MACROH2A2: variants seen among roughly 807,000 people sequenced by gnomAD.
MACROH2A2 encodes the protein macroH2A.2 histone, also known as core histone macro-H2A.2.
In MACROH2A2, 6 loss-of-function variants were observed where a neutral mutation model predicts 37.6. That is an observed-to-expected ratio of 0.16 (90% CI 0.09 to 0.32). The LOEUF (loss-of-function observed/expected upper bound fraction) is 0.32, where lower values mean the gene tolerates loss of function less well. MACROH2A2 is among the 10% of genes least tolerant of loss of function. The probability of loss-of-function intolerance (pLI) is 1.00; values close to 1 mark genes in which losing one functional copy is unlikely to be tolerated. For missense variants in MACROH2A2, 290 were observed against 485.9 expected (o/e 0.60, Z 3.79); for synonymous variants, 192 against 202.7 (o/e 0.95, Z 0.45).
chr10:70,070,389 C>A (rs905250718), intron 1 of MACROH2A2, among the ~76,000 whole-genome samples: 2 of 152,208 alleles, frequency 1.3e-5, no homozygotes, highest in African/African-American at 2.4e-5. Context: ...ATGATTCTTA[C>A]ATTTAGGTAC....
intron 7 of MACROH2A2, 28 bp from the exon 8 acceptor site, chr10:70,109,005 C>G: frequency 1.2e-6 from 2 of 1,606,794 alleles, no homozygotes; most frequent in Non-Finnish European, 1.7e-6. Context: ...AGGAAATAAC[C>G]CGCGGCATTT....
At chr10:70,076,789 T>G (rs2072142194) in intron 2 of MACROH2A2, among the ~76,000 whole-genome samples, 1 of 152,154 alleles carries the variant, frequency 6.6e-6, no homozygotes, top group South Asian at 2.1e-4. Context: ...TCCTCTGGGC[T>G]GTGGCAGGGC....
chr10:70,064,467 C>T (rs1284637538), intron 1 of MACROH2A2, among the ~76,000 whole-genome samples: 1 of 152,238 alleles, frequency 6.6e-6, no homozygotes, highest in African/African-American at 2.4e-5. Context: ...TTTGGGGGTT[C>T]TCAGTTCCTA....
chr10:70,085,147 G>C (rs907906090), intron 2 of MACROH2A2, among the ~76,000 whole-genome samples: 5 of 152,186 alleles, frequency 3.3e-5, no homozygotes, highest in Non-Finnish European at 7.3e-5. Context: ...GGGAAGGATA[G>C]GGAATCACTC....
rs1202842178 is a variant in MACROH2A2, at chr10:70,107,049, A to C, written c.779-1984A>C. Among the ~76,000 whole-genome samples the C allele has an allele frequency of 6.6e-6, 1 of 152,104 alleles. No individual in the cohort carries two copies. The highest frequency in any genetic ancestry group is 1.5e-5 in the Non-Finnish European group (1 of 68,010). On this transcript the variant is annotated intron_variant, in intron 7 of 8. Transcript: ENST00000373255. The surrounding 1 kb of genome is among the most constrained non-coding windows in gnomAD (Gnocchi z 4.4). ...GCATCATTGTTCAGTCCAAAGAGGG[A>C]CACTCTGCTTCTGGTGCACAAATAT...
intron 2 of MACROH2A2, among the ~76,000 whole-genome samples, chr10:70,086,247 T>A (rs1294608110): frequency 6.6e-6 from 1 of 150,800 alleles, no homozygotes; most frequent in Non-Finnish European, 1.5e-5. Flanking sequence ...AGATAAGAAC[T>A]ATTTGATGTA....
rs2071985961 is a variant in MACROH2A2 at position 70,053,154 on chromosome 10, G to A, written c.-60+154G>A. ...ACCCTCGATAGCCGACCCACCCTCT[G>A]CAAAAACAAATTCTTAAATCCAGCT... is the stretch of plus-strand genomic sequence containing the variant. On this transcript the variant is annotated intron_variant, in intron 1 of 8. Transcript: ENST00000373255. The surrounding 1 kb of genome is among the most constrained non-coding windows in gnomAD (Gnocchi z 4.8). 1.3e-5 allele frequency among the ~76,000 whole-genome samples: 2 copies of A among 152,228 alleles called. No homozygotes were observed. Among genetic ancestry groups the A allele is most frequent in the African/African-American group, 4.8e-5 (2 of 41,468 alleles).
rs2072354856 is a variant in MACROH2A2, at chr10:70,109,133, C to T, written c.879C>T (p.Thr293=). The T allele has an allele frequency of 1.9e-6, 3 of 1,614,094 alleles. No individual in the cohort carries two copies. The highest frequency in any genetic ancestry group is 2.5e-6 in the Non-Finnish European group (3 of 1,179,910). The change falls in exon 8 of 9, where the codon ACC becomes ACT. Residue 293 remains threonine, a synonymous_variant. Coordinates refer to ENST00000373255, the MANE Select transcript of MACROH2A2 (RefSeq NM_018649.3). The stretch of plus-strand genomic sequence containing the variant: ...AATGTGAAGAACAGCTTGAAGAGAC[C>T]ATCAAAAACTGCCTGTCAGCGGCGG... ...SDKCEEQLEE[T]IKNCLSAAED... is the part of the protein sequence containing the mutation.
chr10:70,111,114 C>T (rs1489848504), intron 8 of MACROH2A2, among the ~76,000 whole-genome samples: 1 of 151,884 alleles, frequency 6.6e-6, no homozygotes, highest in Non-Finnish European at 1.5e-5. Flanking sequence ...ACTAAAAATA[C>T]AAAAATTAGC....
At chr10:70,073,921 T>G (rs892929811) in intron 1 of MACROH2A2, among the ~76,000 whole-genome samples, 2 of 152,180 alleles carry the variant, frequency 1.3e-5, no homozygotes, top group Admixed American at 6.5e-5. Flanking sequence ...AGAACCAATT[T>G]CAATTTGTTC....
intron 1 of MACROH2A2, among the ~76,000 whole-genome samples, chr10:70,063,383 C>T (rs532628981): frequency 6.6e-6 from 1 of 152,302 alleles, no homozygotes; most frequent in South Asian, 2.1e-4. Flanking sequence ...TTTATGGGAA[C>T]CTCATATGCT....
chr10:70,075,856 G>T lies in MACROH2A2; in HGVS notation c.172+26G>T. ...GTAATGAGGACACGCAAAGGAGGCT[G>T]CCTGCTCCCAGGTCCCCACCCTCCC... On this transcript the variant is annotated intron_variant, in intron 2 of 8. Coordinates refer to ENST00000373255, the MANE Select transcript of MACROH2A2 (RefSeq NM_018649.3). The surrounding 1 kb of genome is among the most constrained non-coding windows in gnomAD (Gnocchi z 5.0). 1 of 1,599,422 alleles carries T rather than the reference G, an allele frequency of 6.3e-7. No individual in the cohort carries two copies. Among genetic ancestry groups the T allele is most frequent in the Non-Finnish European group, 8.5e-7 (1 of 1,171,248 alleles).
intron 7 of MACROH2A2, among the ~76,000 whole-genome samples, chr10:70,106,062 C>T (rs2072335865): frequency 6.6e-6 from 1 of 152,176 alleles, no homozygotes; most frequent in Non-Finnish European, 1.5e-5. Context: ...AGAAAACCCA[C>T]AGTGTCACGG....
At chr10:70,059,615 C>G (rs2072039330) in intron 1 of MACROH2A2, among the ~76,000 whole-genome samples, 2 of 152,130 alleles carry the variant, frequency 1.3e-5, no homozygotes, top group Non-Finnish European at 2.9e-5. Flanking sequence ...AAGTGATCCT[C>G]CCGCCTCGGC....
chr10:70,091,609 G>A (rs1589837743), intron 3 of MACROH2A2, 148 bp from the exon 4 acceptor site: 1 of 593,590 alleles, frequency 1.7e-6, no homozygotes, highest in Non-Finnish European at 3.0e-6. Context: ...TGGAGGCGGA[G>A]GCTGCAGTGA....
chr10:70,111,132 G>T (rs1262152868), intron 8 of MACROH2A2, among the ~76,000 whole-genome samples: 1 of 152,082 alleles, frequency 6.6e-6, no homozygotes, highest in Non-Finnish European at 1.5e-5. Flanking sequence ...AGCCAGGCAT[G>T]ATGGTGCGCA....
chr10:70,099,674 C>T (rs2072295505), intron 6 of MACROH2A2: 1 of 125,560 alleles, frequency 8.0e-6, no homozygotes, highest in Admixed American at 7.5e-5. Context: ...GGGCATTCCC[C>T]TAACATCAAA....
chr10:70,094,639 A>C (rs1411011730), intron 5 of MACROH2A2, among the ~76,000 whole-genome samples: 1 of 152,192 alleles, frequency 6.6e-6, no homozygotes, highest in Non-Finnish European at 1.5e-5. Flanking sequence ...CAGGGAAACA[A>C]AGAGGTGGAA....
Position 70,091,619 on chromosome 10 carries a change from AGCCAAGATCGC to A in MACROH2A2, c.280-133_280-123del, listed in dbSNP as rs1479492057. The A allele has an allele frequency of 2.9e-5, 18 of 614,332 alleles. 1 individual carries two copies. The highest frequency in any genetic ancestry group is 4.8e-5 in the Non-Finnish European group (17 of 355,398). 38.1% of individuals were successfully genotyped at this position (614,332 alleles called of 1,614,324 possible). A position where few individuals can be genotyped will look rare whatever the true frequency, so the allele number is the denominator to read the frequency against. ...GAACCTGGAGGCGGAGGCTGCAGTG[AGCCAAGATCGC>A]GCCACTGCACTCCAGCCTGGGTGAC... On this transcript the variant is annotated intron_variant, in intron 3 of 8. Transcript: ENST00000373255.
Sources: gnomAD v4.1 joint callset for allele counts (sites outside exome capture counted in the v4.1 genomes callset) on GRCh38, gnomAD v4.1.1 for gene constraint, Gnocchi (gnomAD v3.1) non-coding constraint, MANE v1.5 for transcripts, NCBI Gene and HGNC (gene_info 2026-07-23, HGNC 2026-07-21) for gene names.